The following SLC24A4 variants were observed in gnomAD, a reference collection of about 807,000 sequenced individuals.
SLC24A4 encodes sodium/potassium/calcium exchanger 4.
SLC24A4 carries 53 observed loss-of-function variants against 79.0 expected under a neutral mutation model. The observed-to-expected ratio is 0.67, with a 90% CI of 0.54 to 0.84. The LOEUF (loss-of-function observed/expected upper bound fraction) is 0.84, where lower values mean the gene tolerates loss of function less well. Ranked by LOEUF, SLC24A4 falls within the 40% of genes least tolerant of loss-of-function variation. SLC24A4 has a pLI of 0.00. For synonymous variants in SLC24A4, 323 were observed against 323.8 expected (o/e 1.00, Z 0.03); for missense variants, 731 against 822.0 (o/e 0.89, Z 1.35).
rs564471777 is a variant in SLC24A4, at chr14:92,477,287, A to G, written c.1256-5393A>G. On this transcript the variant is annotated intron_variant, in intron 12 of 16. Transcript: ENST00000532405. ...GACCATTTTCTTTGGAGAACTGTCTATTCAAACACTTTGCCTTTTTTAAGA... is the reference window on the plus strand; with the variant it reads ...GACCATTTTCTTTGGAGAACTGTCTGTTCAAACACTTTGCCTTTTTTAAGA... Among the ~76,000 whole-genome samples the G allele has an allele frequency of 1.2e-4, 19 of 152,312 alleles. No individual in the cohort carries two copies. In the South Asian group the frequency reaches 3.9e-3, roughly 32 times the overall value.
At chr14:92,385,622 A>G (rs796772200) in intron 2 of SLC24A4, among the ~76,000 whole-genome samples, 9 of 152,228 alleles carry the variant, frequency 5.9e-5, no homozygotes, top group African/African-American at 1.4e-4. Context: ...GGTAGTTCCT[A>G]TTGCTGAAGA....
At chr14:92,400,593 C>G (rs1396841759) in intron 2 of SLC24A4, among the ~76,000 whole-genome samples, 1 of 152,086 alleles carries the variant, frequency 6.6e-6, no homozygotes, top group Non-Finnish European at 1.5e-5. Context: ...TCTTTTTACC[C>G]TTGACTTTGA....
intron 10 of SLC24A4, chr14:92,453,545 G>A (rs1893272830): frequency 5.3e-6 from 1 of 187,942 alleles, no homozygotes; most frequent in Non-Finnish European, 1.1e-5. Context: ...AGGCCCCCGT[G>A]TGTATTGTAG....
chr14:92,387,474 GC>G (rs1419748266), intron 2 of SLC24A4, among the ~76,000 whole-genome samples: 1 of 152,192 alleles, frequency 6.6e-6, no homozygotes, highest in East Asian at 1.9e-4. Context: ...ACCATGCCCG[GC>G]CAGGAGTATT....
At chr14:92,425,921 C>T (rs750215145) in intron 2 of SLC24A4, among the ~76,000 whole-genome samples, 2 of 152,006 alleles carry the variant, frequency 1.3e-5, no homozygotes, top group African/African-American at 2.4e-5. Flanking sequence ...AGGTTGAGGC[C>T]GCAGTGAGCT....
intron 12 of SLC24A4, among the ~76,000 whole-genome samples, chr14:92,468,516 G>A (rs1894244230): frequency 1.3e-5 from 2 of 152,184 alleles, no homozygotes; most frequent in South Asian, 4.1e-4. Context: ...TTACTACAAA[G>A]ATAGAGTAAT....
Position 92,449,092 on chromosome 14 carries a change from A to G in SLC24A4, c.756A>G (p.Gln252=), listed in dbSNP as rs1372429577. The G allele has an allele frequency of 6.2e-7, 1 of 1,614,042 alleles. No individual in the cohort carries two copies. The highest frequency in any genetic ancestry group is 8.5e-7 in the Non-Finnish European group (1 of 1,180,036). Residue 252 remains glutamine, a synonymous_variant, in exon 10 of 17, where the codon CAA becomes CAG. Transcript: ENST00000532405. ...ILIMKYNVKM[Q]AFFTVKQKSI... The stretch of plus-strand genomic sequence containing the variant: ...CTTCCAGGTACAATGTGAAGATGCA[A>G]GCCTTTTTCACAGTCAAACAAAAGA...
At chr14:92,439,945 C>G (rs1343431485) in intron 4 of SLC24A4, among the ~76,000 whole-genome samples, 13 of 152,260 alleles carry the variant, frequency 8.5e-5, no homozygotes, top group Admixed American at 8.5e-4. Flanking sequence ...TCTCATTGCT[C>G]CACCTTATTC....
chr14:92,469,304 C>T (rs544341739), intron 12 of SLC24A4, among the ~76,000 whole-genome samples: 6 of 152,028 alleles, frequency 3.9e-5, no homozygotes, highest in South Asian at 4.2e-4. Flanking sequence ...GTCAGGAGAT[C>T]GAGACTATCC....
chr14:92,361,946 G>A (rs1887556445), intron 2 of SLC24A4, among the ~76,000 whole-genome samples: 1 of 152,158 alleles, frequency 6.6e-6, no homozygotes, highest in South Asian at 2.1e-4. Context: ...AGCACCTTGG[G>A]AAACACCCTA....
intron 2 of SLC24A4, among the ~76,000 whole-genome samples, chr14:92,351,454 A>T (rs1016131566): frequency 2.0e-5 from 3 of 152,174 alleles, no homozygotes; most frequent in African/African-American, 7.2e-5. Flanking sequence ...AAAAATTAGC[A>T]GCTATTGTTA....
intron 8 of SLC24A4, among the ~76,000 whole-genome samples, chr14:92,446,153 T>C (rs1892783053): frequency 6.7e-6 from 1 of 149,890 alleles, no homozygotes; most frequent in African/African-American, 2.5e-5. Context: ...TTGCCAACGA[T>C]TCAGAATCTG....
At chr14:92,381,772 A>AG (rs1888864975) in intron 2 of SLC24A4, among the ~76,000 whole-genome samples, 1 of 150,950 alleles carries the variant, frequency 6.6e-6, no homozygotes, top group African/African-American at 2.4e-5. Context: ...TTAAAAAAAA[A>AG]TACGGTAAAA....
chr14:92,433,618 G>A (rs1180406930), intron 2 of SLC24A4, among the ~76,000 whole-genome samples: 1 of 152,132 alleles, frequency 6.6e-6, no homozygotes, highest in Non-Finnish European at 1.5e-5. Flanking sequence ...ATCTGTTCTG[G>A]GTTCTAGCCA....
At chr14:92,343,653 T>TTTCCTTCC (rs34220155) in intron 2 of SLC24A4, among the ~76,000 whole-genome samples, 3,273 of 34,086 alleles carry the variant, frequency 0.096, 362 homozygotes, top group Middle Eastern at 0.22. Flanking sequence ...TCTTTCCTTC[T>TTTCCTTCC]TTCCTTCCTT....
chr14:92,370,800 A>G (rs1888110172), intron 2 of SLC24A4, among the ~76,000 whole-genome samples: 1 of 152,172 alleles, frequency 6.6e-6, no homozygotes, highest in Non-Finnish European at 1.5e-5. Context: ...CTCTTGTGAG[A>G]GTTTCCCCAA....
intron 2 of SLC24A4, among the ~76,000 whole-genome samples, chr14:92,415,954 C>G (rs1240050088): frequency 6.6e-6 from 1 of 152,140 alleles, no homozygotes; most frequent in East Asian, 1.9e-4. Context: ...CAAAGTCATC[C>G]TTATGCCTTT....
At position 92,482,652 on chromosome 14, in the gene SLC24A4, T is replaced by C. The variant is rs555422671; in HGVS notation, c.1256-28T>C. 332 of 1,572,836 alleles carry C rather than the reference T, an allele frequency of 2.1e-4. 3 individuals are homozygous for C. The South Asian group carries it at 3.7e-3, about 17-fold the overall frequency. On this transcript the variant is annotated intron_variant, in intron 12 of 16. Coordinates refer to ENST00000532405, the MANE Select transcript of SLC24A4 (RefSeq NM_153646.4). ...ACCCAGTGTCTTTCTCTCCCCCTCC[T>C]TTCTCACTCTGCCCCTTCACCCTGC...
At position 92,327,373 on chromosome 14, in the gene SLC24A4, C is replaced by A. The variant is rs941643; in HGVS notation, c.241+1395C>A. ...GTGCTCATCCTGTCATTCCCTCCCC[C>A]AGGGTGTCTCCTCTCATCAGCCAGG... is the stretch of plus-strand genomic sequence containing the variant. On this transcript the variant is annotated intron_variant, in intron 2 of 16. Transcript: ENST00000532405. Among the ~76,000 whole-genome samples, 1,309 of 152,278 alleles carry A rather than the reference C, an allele frequency of 8.6e-3. 25 individuals are homozygous for A. Among genetic ancestry groups the A allele is most frequent in the African/African-American group, 0.03 (1,240 of 41,552 alleles).
Sources: gnomAD v4.1 joint callset for allele counts (sites outside exome capture counted in the v4.1 genomes callset) on GRCh38, gnomAD v4.1.1 for gene constraint, MANE v1.5 for transcripts, NCBI Gene and HGNC (gene_info 2026-07-23, HGNC 2026-07-21) for gene names.